Variants in WWOX observed in about 807,000 individuals in gnomAD.
The protein encoded by WWOX is WW domain-containing oxidoreductase.
In WWOX, 69 loss-of-function variants were observed where a neutral mutation model predicts 46.2. That is an observed-to-expected ratio of 1.49 (90% confidence interval 1.23 to 1.82). The LOEUF (loss-of-function observed/expected upper bound fraction) is 1.82. WWOX is among the 40% of genes most tolerant of loss of function. The pLI is 0.00. For missense variants in WWOX, 919 were observed against 542.6 expected (o/e 1.69, Z -6.89); for synonymous variants, 359 against 202.6 (o/e 1.77, Z -6.56).
At chr16:78,451,945 G>C (rs1028519728) in intron 8 of WWOX, among the ~76,000 whole-genome samples, 1 of 152,158 alleles carries the variant, frequency 6.6e-6, no homozygotes, top group Non-Finnish European at 1.5e-5. Context: ...GGAGCCCTTA[G>C]TTCAACACTG....
At chr16:78,806,604 G>C (rs2051044111) in intron 8 of WWOX, among the ~76,000 whole-genome samples, 1 of 152,088 alleles carries the variant, frequency 6.6e-6, no homozygotes, top group South Asian at 2.1e-4. Context: ...CATGTACCCT[G>C]AGCTTCCTCA....
intron 4 of WWOX, among the ~76,000 whole-genome samples, chr16:78,131,929 A>G (rs1278833192): frequency 6.7e-6 from 1 of 150,042 alleles, no homozygotes; most frequent in African/African-American, 2.5e-5. Context: ...AACAGCAAAT[A>G]TGTTCTTATA....
At chr16:78,678,046 A>C (rs912138314) in intron 8 of WWOX, among the ~76,000 whole-genome samples, 2 of 152,124 alleles carry the variant, frequency 1.3e-5, no homozygotes, top group Admixed American at 6.5e-5. Flanking sequence ...TTTTCTCCTT[A>C]GCAGACATCA....
At chr16:78,625,368 C>T (rs925900679) in intron 8 of WWOX, among the ~76,000 whole-genome samples, 2 of 152,176 alleles carry the variant, frequency 1.3e-5, no homozygotes, top group Non-Finnish European at 2.9e-5. Flanking sequence ...AACTGGATCC[C>T]TGAAATTCAC....
At position 78,735,852 on chromosome 16, in the gene WWOX, T is replaced by TGGATACAATCTATGAAAATGACTTTC. The variant is rs781132199; in HGVS notation, c.1056+303100_1056+303101insGGATACAATCTATGAAAATGACTTTC. Among the ~76,000 whole-genome samples, 428 of 152,182 alleles carry TGGATACAATCTATGAAAATGACTTTC rather than the reference T, an allele frequency of 2.8e-3. 4 individuals are homozygous for TGGATACAATCTATGAAAATGACTTTC. Among genetic ancestry groups the TGGATACAATCTATGAAAATGACTTTC allele is most frequent in the Middle Eastern group, 0.017 (5 of 292 alleles). On this transcript the variant is annotated intron_variant, in intron 8 of 8. Transcript: ENST00000566780. ...GGGGATGCTCCACACCTTTCTGCTC[T>TGGATACAATCTATGAAAATGACTTTC]CTGCAACAGGGCCAGGGATCTGAGT...
At chr16:78,986,363 C>G (rs1311041590) in intron 8 of WWOX, among the ~76,000 whole-genome samples, 1 of 152,174 alleles carries the variant, frequency 6.6e-6, no homozygotes, top group Non-Finnish European at 1.5e-5. Flanking sequence ...AGGCATATTC[C>G]TAATATCCTC....
Position 78,345,300 on chromosome 16 carries a change from A to G in WWOX, c.517-41560A>G, listed in dbSNP as rs1380229540. Reference sequence around the variant, plus strand: ...ATCTTATTTAATGGCAAAAGTCACAATTACTTTTGTACCAACGTAATAGAA... The same window carrying G: ...ATCTTATTTAATGGCAAAAGTCACAGTTACTTTTGTACCAACGTAATAGAA... On this transcript the variant is annotated intron_variant, in intron 5 of 8. Coordinates refer to ENST00000566780, the MANE Select transcript of WWOX (RefSeq NM_016373.4). Among the ~76,000 whole-genome samples the G allele has an allele frequency of 2.7e-5, 3 of 112,866 alleles. 1 individual carries two copies. The highest frequency in any genetic ancestry group is 6.0e-5 in the African/African-American group (2 of 33,354). 74.0% of individuals were successfully genotyped at this position (112,866 alleles called of 152,430 possible). A position where few individuals can be genotyped will look rare whatever the true frequency, so the allele number is the denominator to read the frequency against.
chr16:78,813,340 T>G (rs1464479868), intron 8 of WWOX, among the ~76,000 whole-genome samples: 3 of 152,144 alleles, frequency 2.0e-5, no homozygotes, highest in African/African-American at 7.2e-5. Context: ...ACTCAGAAAT[T>G]TAAGTCCAAG....
chr16:79,177,822 T>C (rs1164442910), intron 8 of WWOX, among the ~76,000 whole-genome samples: 1 of 152,246 alleles, frequency 6.6e-6, no homozygotes, highest in East Asian at 1.9e-4. Context: ...GTACTAAATG[T>C]TACCATTTTC....
intron 8 of WWOX, among the ~76,000 whole-genome samples, chr16:78,670,126 C>T (rs1444746316): frequency 4.6e-5 from 7 of 151,410 alleles, no homozygotes; most frequent in East Asian, 3.9e-4. Context: ...GGCTTCTCTG[C>T]GTCAGTAGAG....
At position 78,648,308 on chromosome 16, in the gene WWOX, T is replaced by C. The variant is rs531186021; in HGVS notation, c.1056+215556T>C. ...GCCCTCTGAGAATGCGAGGCCCTTGTTGTAAGGAAACGCTGGTGGGTGCTC... is the reference window on the plus strand; with the variant it reads ...GCCCTCTGAGAATGCGAGGCCCTTGCTGTAAGGAAACGCTGGTGGGTGCTC... On this transcript the variant is annotated intron_variant, in intron 8 of 8. Coordinates refer to ENST00000566780, the MANE Select transcript of WWOX (RefSeq NM_016373.4). 1.7e-4 allele frequency among the ~76,000 whole-genome samples: 26 copies of C among 152,322 alleles called. 1 individual carries two copies. In the South Asian group the frequency reaches 5.4e-3, roughly 32 times the overall value.
chr16:78,418,504 A>C (rs1413690432), intron 6 of WWOX, among the ~76,000 whole-genome samples: 1 of 152,220 alleles, frequency 6.6e-6, no homozygotes, highest in African/African-American at 2.4e-5. Context: ...TATCACAAGA[A>C]AAGGAAACTT....
intron 8 of WWOX, among the ~76,000 whole-genome samples, chr16:78,501,283 T>A (rs2085061583): frequency 6.7e-6 from 1 of 148,622 alleles, no homozygotes; most frequent in African/African-American, 2.5e-5. Context: ...GCAGACCCCT[T>A]GGTTCAGATA....
intron 8 of WWOX, among the ~76,000 whole-genome samples, chr16:78,655,616 G>A (rs774535618): frequency 3.3e-5 from 5 of 152,056 alleles, no homozygotes; most frequent in Non-Finnish European, 7.4e-5. Flanking sequence ...AAAATGGAAC[G>A]GCTAAGTAGT....
intron 8 of WWOX, among the ~76,000 whole-genome samples, chr16:78,980,172 C>G (rs1269622008): frequency 6.6e-6 from 1 of 152,160 alleles, no homozygotes; most frequent in Non-Finnish European, 1.5e-5. Context: ...CCTCCAACTC[C>G]CACCCCAAAT....
At chr16:78,691,690 A>G (rs549653444) in intron 8 of WWOX, among the ~76,000 whole-genome samples, 1 of 152,220 alleles carries the variant, frequency 6.6e-6, no homozygotes. Context: ...CCTGGGCAAC[A>G]GGACAAGACC....
chr16:78,418,908 C>T (rs947970935), intron 6 of WWOX, among the ~76,000 whole-genome samples: 3 of 151,972 alleles, frequency 2.0e-5, no homozygotes, highest in South Asian at 2.1e-4. Context: ...TCACTCTCAT[C>T]ACTTTAATAT....
chr16:78,355,561 C>A, intron 5 of WWOX: 1 of 448,716 alleles, frequency 2.2e-6, no homozygotes, highest in East Asian at 5.3e-5. Context: ...AGCAAACTAC[C>A]AACACTGTGG....
chr16:79,089,822 C>A (rs2048921430), intron 8 of WWOX, among the ~76,000 whole-genome samples: 1 of 151,948 alleles, frequency 6.6e-6, no homozygotes, highest in South Asian at 2.1e-4. Context: ...CCTTTTCATT[C>A]CTCGGAGTTC....
Sources: gnomAD v4.1 joint callset for allele counts (sites outside exome capture counted in the v4.1 genomes callset) on GRCh38, gnomAD v4.1.1 for gene constraint, MANE v1.5 for transcripts, NCBI Gene and HGNC (gene_info 2026-07-23, HGNC 2026-07-21) for gene names.